TBC1D32: variants seen among roughly 807,000 people sequenced by gnomAD.
TBC1D32 encodes the protein protein broad-minded.
TBC1D32 carries 151 observed loss-of-function variants against 170.3 expected under a neutral mutation model. The ratio of observed to expected loss-of-function variants is 0.89; its 90% CI spans 0.78 to 1.01. The LOEUF is 1.01. Ranked by LOEUF, TBC1D32 falls within the 50% of genes least tolerant of loss-of-function variation. The pLI, the probability that TBC1D32 is intolerant of heterozygous loss-of-function variation, is 0.00. For missense variants in TBC1D32, 1,464 were observed against 1,457.1 expected, an observed-to-expected ratio of 1.00 and a Z score of -0.08; for synonymous variants, 498 against 488.0, an observed-to-expected ratio of 1.02 and a Z score of -0.27.
At chr6:121,250,720 T>C in intron 17 of TBC1D32, among the ~76,000 whole-genome samples, 1 of 152,120 alleles carries the variant, frequency 6.6e-6, no homozygotes, top group East Asian at 1.9e-4. Context: ...GAACATAGTA[T>C]TGGAAGTTCT....
At chr6:121,110,661 A>G (rs919735886) in intron 29 of TBC1D32, among the ~76,000 whole-genome samples, 13 of 152,194 alleles carry the variant, frequency 8.5e-5, no homozygotes, top group African/African-American at 3.1e-4. Flanking sequence ...TGTTTGAGAC[A>G]ATGGAACAAA....
At chr6:121,162,602 G>A (rs1785872691) in intron 22 of TBC1D32, among the ~76,000 whole-genome samples, 1 of 152,082 alleles carries the variant, frequency 6.6e-6, no homozygotes, top group Non-Finnish European at 1.5e-5. Context: ...AGAAAGAGAG[G>A]AAGTCAAACT....
At chr6:121,223,459 T>A in intron 20 of TBC1D32, 107 bp from the exon 21 acceptor site, 1 of 727,446 alleles carries the variant, frequency 1.4e-6, no homozygotes, top group South Asian at 1.7e-5. Context: ...GGCTCATTTT[T>A]AAATATACCT....
intron 21 of TBC1D32, among the ~76,000 whole-genome samples, chr6:121,206,585 T>C (rs1211172172): frequency 2.0e-5 from 3 of 152,158 alleles, no homozygotes; most frequent in Non-Finnish European, 4.4e-5. Context: ...CTGATCAATA[T>C]TAATACAACA....
chr6:121,122,231 C>T (rs1225723173), intron 26 of TBC1D32, among the ~76,000 whole-genome samples: 1 of 152,002 alleles, frequency 6.6e-6, no homozygotes, highest in Non-Finnish European at 1.5e-5. Flanking sequence ...CCATTACTGA[C>T]ATCCTCATCT....
At chr6:121,160,142 C>G (rs1785430738) in intron 23 of TBC1D32, 39 bp from the exon 24 acceptor site, 1 of 1,245,866 alleles carries the variant, frequency 8.0e-7, no homozygotes, top group Non-Finnish European at 1.2e-6. Context: ...AGGAAGTGGT[C>G]TAAAATAATA....
At chr6:121,170,178 C>T (rs920136792) in intron 22 of TBC1D32, among the ~76,000 whole-genome samples, 5 of 151,724 alleles carry the variant, frequency 3.3e-5, no homozygotes, top group Non-Finnish European at 5.9e-5. Context: ...CACACACACA[C>T]GACAAAAGCA....
chr6:121,194,349 C>T (rs1041950130), intron 22 of TBC1D32, among the ~76,000 whole-genome samples: 1 of 152,188 alleles, frequency 6.6e-6, no homozygotes, highest in Non-Finnish European at 1.5e-5. Flanking sequence ...TTAGAGCTGC[C>T]TCTACCTAGA....
chr6:121,319,071 A>G (rs1043187609), intron 2 of TBC1D32, among the ~76,000 whole-genome samples: 3 of 149,934 alleles, frequency 2.0e-5, no homozygotes, highest in Non-Finnish European at 4.4e-5. Context: ...ATATATTTAA[A>G]TGTAATATTT....
At chr6:121,238,066 C>T (rs766149000) in intron 20 of TBC1D32, among the ~76,000 whole-genome samples, 5 of 152,122 alleles carry the variant, frequency 3.3e-5, no homozygotes, top group Non-Finnish European at 4.4e-5. Context: ...AGTTCACAGG[C>T]ATACTTGAGT....
intron 15 of TBC1D32, among the ~76,000 whole-genome samples, chr6:121,271,555 A>C (rs1255746211): frequency 6.6e-6 from 1 of 152,164 alleles, no homozygotes; most frequent in Non-Finnish European, 1.5e-5. Flanking sequence ...CCAACTTACA[A>C]GGGATGTGAA....
At chr6:121,329,925 T>C (rs943798394) in intron 1 of TBC1D32, among the ~76,000 whole-genome samples, 1 of 152,116 alleles carries the variant, frequency 6.6e-6, no homozygotes, top group African/African-American at 2.4e-5. Context: ...GGTCAAAAAA[T>C]AAGCTTTTGG....
chr6:121,097,425 A>C (rs1777546406), intron 30 of TBC1D32, among the ~76,000 whole-genome samples: 1 of 152,232 alleles, frequency 6.6e-6, no homozygotes, highest in Non-Finnish European at 1.5e-5. Context: ...TTATGCAGCC[A>C]ACAAACATAT....
At chr6:121,085,730 T>C (rs1776202133) in intron 31 of TBC1D32, among the ~76,000 whole-genome samples, 1 of 151,758 alleles carries the variant, frequency 6.6e-6, no homozygotes, top group Admixed American at 6.6e-5. Flanking sequence ...GACCAGAGAG[T>C]TTATATAGTG....
chr6:121,106,812 GTTAC>G (rs999694552), intron 29 of TBC1D32, among the ~76,000 whole-genome samples: 17 of 151,854 alleles, frequency 1.1e-4, no homozygotes, highest in African/African-American at 3.6e-4. Flanking sequence ...TATATTGATA[GTTAC>G]TTATATATAT....
Position 121,084,397 on chromosome 6 carries a change from T to A in TBC1D32, c.3655-3507A>T, listed in dbSNP as rs114599987. Among the ~76,000 whole-genome samples the A allele has an allele frequency of 8.9e-3, 1,353 of 152,170 alleles. 22 individuals carry two copies. The highest frequency in any genetic ancestry group is 0.031 in the African/African-American group (1,268 of 41,544). On this transcript the variant is annotated intron_variant, in intron 31 of 31. Coordinates refer to ENST00000398212, the MANE Select transcript of TBC1D32 (RefSeq NM_152730.6). Reference sequence around the variant, plus strand: ...AGATATTCATAGTGGTCATAAATAATGAGAACACATTTTTATTAATGATGG... The same window carrying A: ...AGATATTCATAGTGGTCATAAATAAAGAGAACACATTTTTATTAATGATGG...
intron 15 of TBC1D32, among the ~76,000 whole-genome samples, chr6:121,259,487 A>G (rs570240416): frequency 1.3e-3 from 191 of 152,308 alleles, no homozygotes; most frequent in African/African-American, 4.0e-3. Flanking sequence ...AACAGTTGTT[A>G]TTGATAAAGA....
chr6:121,091,411 A>G (rs931618877), intron 30 of TBC1D32, among the ~76,000 whole-genome samples: 9 of 151,610 alleles, frequency 5.9e-5, no homozygotes, highest in Admixed American at 3.3e-4. Context: ...TTTTTTTTCT[A>G]TACTACCTAC....
intron 20 of TBC1D32, among the ~76,000 whole-genome samples, chr6:121,231,552 T>C (rs968752397): frequency 6.6e-6 from 1 of 152,182 alleles, no homozygotes; most frequent in African/African-American, 2.4e-5. Flanking sequence ...TGTAAAAGTG[T>C]TCCCTTTTCA....
Sources: allele counts gnomAD v4.1 joint callset (sites outside exome capture counted in the v4.1 genomes callset), GRCh38; gene constraint gnomAD v4.1.1; transcripts MANE v1.5; gene names NCBI Gene and HGNC (gene_info 2026-07-23, HGNC 2026-07-21).